DPP8: variants seen among roughly 807,000 people sequenced by gnomAD.
The protein encoded by DPP8 is DPP VIII.
In DPP8, 31 loss-of-function variants were observed where a neutral mutation model predicts 107.5. That is an observed-to-expected ratio of 0.29 (90% CI 0.22 to 0.39). The LOEUF is 0.39. DPP8 is among the 10% of genes least tolerant of loss of function. The probability of loss-of-function intolerance (pLI) is 1.00; values close to 1 mark genes in which losing one functional copy is unlikely to be tolerated. For synonymous variants in DPP8, 381 were observed against 356.6 expected (o/e 1.07, Z -0.77); for missense variants, 842 against 1,076.1 (o/e 0.78, Z 3.04).
chr15:65,506,744 T>C (rs754836398), intron 3 of DPP8, among the ~76,000 whole-genome samples: 34 of 149,282 alleles, frequency 2.3e-4, no homozygotes, highest in Admixed American at 2.1e-3. Flanking sequence ...AACTATTATA[T>C]ATATATGTTA....
chr15:65,482,454 G>T (rs139513537), intron 8 of DPP8, among the ~76,000 whole-genome samples: 1 of 151,960 alleles, frequency 6.6e-6, no homozygotes, highest in Non-Finnish European at 1.5e-5. Flanking sequence ...GCTAATTTTT[G>T]TATTTTTAGT....
At chr15:65,467,809 A>G (rs1338608279) in intron 12 of DPP8, among the ~76,000 whole-genome samples, 2 of 152,218 alleles carry the variant, frequency 1.3e-5, no homozygotes, top group African/African-American at 4.8e-5. Flanking sequence ...CCTTAAAATA[A>G]CAACTCTTTA....
chr15:65,455,950 G>T, intron 16 of DPP8: 1 of 988,138 alleles, frequency 1.0e-6, no homozygotes, highest in Non-Finnish European at 1.4e-6. Flanking sequence ...ACAGGATGCT[G>T]AAAGCTAAAT....
intron 3 of DPP8, among the ~76,000 whole-genome samples, chr15:65,501,166 C>T (rs924150121): frequency 6.6e-6 from 1 of 152,016 alleles, no homozygotes; most frequent in South Asian, 2.1e-4. Flanking sequence ...CGTGAGACAC[C>T]GCGCCTGGCG....
At chr15:65,455,660 A>C in intron 16 of DPP8, 1 of 1,186,974 alleles carries the variant, frequency 8.4e-7, no homozygotes, top group Non-Finnish European at 1.1e-6. Context: ...TTACATGAGA[A>C]TACAACATAA....
Position 65,517,674 on chromosome 15 carries a change from A to T in DPP8, c.-200T>A, listed in dbSNP as rs1319798826. 1 of 152,318 alleles carries T rather than the reference A, an allele frequency of 6.6e-6. No individual in the cohort carries two copies. The highest frequency in any genetic ancestry group is 1.5e-5 in the Non-Finnish European group (1 of 68,152). 9.4% of individuals were successfully genotyped at this position (152,318 alleles called of 1,614,324 possible). A position where few individuals can be genotyped will look rare whatever the true frequency, so the allele number is the denominator to read the frequency against. On this transcript the variant is annotated 5_prime_UTR_variant, in exon 1 of 20. Transcript: ENST00000300141. The stretch of plus-strand genomic sequence containing the variant: ...GCAGTAGCAGCGGCCTTGGCCTCGG[A>T]GGCTTTAGCACTTCCGGTTCGTTGC...
At chr15:65,482,904 G>A (rs539124573) in intron 8 of DPP8, among the ~76,000 whole-genome samples, 1 of 151,566 alleles carries the variant, frequency 6.6e-6, no homozygotes, top group East Asian at 2.0e-4. Flanking sequence ...AGACCATCCT[G>A]GCTAACACGG....
intron 9 of DPP8, among the ~76,000 whole-genome samples, chr15:65,480,863 G>A (rs549385030): frequency 3.3e-5 from 5 of 152,128 alleles, no homozygotes; most frequent in African/African-American, 9.7e-5. Context: ...TTGGGAGGCC[G>A]AGACAAGAGG....
At chr15:65,461,580 T>A (rs2064924021) in intron 15 of DPP8, among the ~76,000 whole-genome samples, 2 of 150,518 alleles carry the variant, frequency 1.3e-5, no homozygotes, top group Non-Finnish European at 2.9e-5. Context: ...GTCCTATGAT[T>A]TTTCTCTTGA....
rs75130206 is a variant in DPP8 at position 65,499,236 on chromosome 15, T to C, written c.547-1204A>G. Among the ~76,000 whole-genome samples the C allele has an allele frequency of 1.9e-4, 29 of 152,150 alleles. No homozygotes were observed. The East Asian group carries it at 3.9e-3, about 20-fold the overall frequency. On this transcript the variant is annotated intron_variant, in intron 4 of 19. Coordinates refer to ENST00000300141, the MANE Select transcript of DPP8 (RefSeq NM_130434.5). ...ATTGATGCCCGTTACCTTTCCTTTTTTTTTTTCTCTCTCTCTTAGTCTCAC... is the reference window on the plus strand; with the variant it reads ...ATTGATGCCCGTTACCTTTCCTTTTCTTTTTTCTCTCTCTCTTAGTCTCAC...
intron 6 of DPP8, among the ~76,000 whole-genome samples, chr15:65,489,920 T>C (rs781418860): frequency 1.3e-5 from 2 of 151,900 alleles, no homozygotes; most frequent in South Asian, 2.1e-4. Context: ...GGTTTCATCA[T>C]GTTAGCCAGG....
rs527605423 is a variant in DPP8 at position 65,464,407 on chromosome 15, C to T, written c.1826-501G>A. Among the ~76,000 whole-genome samples the T allele has an allele frequency of 2.6e-5, 4 of 151,944 alleles. No homozygotes were observed. In the South Asian group the frequency reaches 8.3e-4, roughly 32 times the overall value. On this transcript the variant is annotated intron_variant, in intron 14 of 19. Coordinates refer to ENST00000300141, the MANE Select transcript of DPP8 (RefSeq NM_130434.5). ...TTAAAAAAAACAAAACTAGGCCAGG[C>T]ACGGTGGCTCACACCTACAATCCTA...
At chr15:65,482,409 G>C (rs940795655) in intron 8 of DPP8, among the ~76,000 whole-genome samples, 1 of 151,984 alleles carries the variant, frequency 6.6e-6, no homozygotes, top group Non-Finnish European at 1.5e-5. Flanking sequence ...AGCCTCCCGA[G>C]TAGCTGGGAT....
Position 65,500,608 on chromosome 15 carries a change from T to G in DPP8, c.544A>C (p.Thr182Pro), listed in dbSNP as rs769172379. 9 of 1,613,798 alleles carry G rather than the reference T, an allele frequency of 5.6e-6. No homozygotes were observed. The highest frequency in any genetic ancestry group is 5.9e-6 in the Non-Finnish European group (7 of 1,179,758). Residue 182 changes from threonine (T) to proline (P), a missense_variant and splice_region_variant, in exon 4 of 20, where the codon ACG becomes CCG. Coordinates refer to ENST00000300141, the MANE Select transcript of DPP8 (RefSeq NM_130434.5). ...AATCACTAGCAACTCCAACTTACCGTAAATCCTTGTGGCCCTCCATCTTTT... is the reference window on the plus strand; with the variant it reads ...AATCACTAGCAACTCCAACTTACCGGAAATCCTTGTGGCCCTCCATCTTTT... ...HVKDGGPQGF[T>P]QQPLRPNLVE...
intron 15 of DPP8, among the ~76,000 whole-genome samples, chr15:65,462,460 G>A (rs1172513474): frequency 6.6e-6 from 1 of 152,140 alleles, no homozygotes; most frequent in Non-Finnish European, 1.5e-5. Flanking sequence ...GGGTATTACT[G>A]AATCTAAGGA....
intron 11 of DPP8, among the ~76,000 whole-genome samples, chr15:65,477,881 A>C (rs1190915273): frequency 1.3e-5 from 2 of 152,158 alleles, no homozygotes; most frequent in Non-Finnish European, 2.9e-5. Flanking sequence ...TAAGTTACAA[A>C]TGGCAGTTAA....
At chr15:65,487,883 G>A (rs1360273717) in intron 6 of DPP8, 65 bp from the exon 7 acceptor site, 22 of 1,055,112 alleles carry the variant, frequency 2.1e-5, no homozygotes, top group Non-Finnish European at 2.5e-5. Context: ...ATAACCAACC[G>A]TTCCTTCTAG....
chr15:65,478,808 T>C, intron 11 of DPP8, 72 bp downstream of exon 11: 2 of 1,062,848 alleles, frequency 1.9e-6, no homozygotes, highest in South Asian at 1.5e-5. Context: ...ATGCAAAAGA[T>C]ACATTCCCCT....
chr15:65,463,851 T>A lies in DPP8; in HGVS notation c.1881A>T (p.Gly627=). The A allele has an allele frequency of 1.2e-6, 2 of 1,601,906 alleles. No individual in the cohort carries two copies. The highest frequency in any genetic ancestry group is 1.7e-6 in the Non-Finnish European group (2 of 1,175,556). The change falls in exon 15 of 20, where the codon GGA becomes GGT. Residue 627 remains glycine (G), a synonymous_variant. Coordinates refer to ENST00000300141, the MANE Select transcript of DPP8 (RefSeq NM_130434.5). Reference sequence around the variant, plus strand: ...TGTAGAGCATCCCATACAATGTAAATCCAGTAGTACTTTCAAAAGAGAAAA... The same window carrying A: ...TGTAGAGCATCCCATACAATGTAAAACCAGTAGTACTTTCAAAAGAGAAAA... The part of the protein sequence containing the change: ...PEIFSFESTT[G]FTLYGMLYKP...
Sources: gnomAD v4.1 joint callset for allele counts (sites outside exome capture counted in the v4.1 genomes callset) on GRCh38, gnomAD v4.1.1 for gene constraint, MANE v1.5 for transcripts, NCBI Gene and HGNC (gene_info 2026-07-23, HGNC 2026-07-21) for gene names.